The following DCDC1 variants were observed in gnomAD, a reference collection of about 807,000 sequenced individuals.
DCDC1 encodes the protein doublecortin domain containing 1.
In DCDC1, 200 loss-of-function variants were observed where a neutral mutation model predicts 178.3. That is an observed-to-expected ratio of 1.12 (90% CI 1.00 to 1.26). The LOEUF (loss-of-function observed/expected upper bound fraction) is 1.26, where lower values mean the gene tolerates loss of function less well. DCDC1 is among the 50% of genes most tolerant of loss of function. The probability of loss-of-function intolerance (pLI) is 0.00; values close to 1 mark genes in which losing one functional copy is unlikely to be tolerated. For synonymous variants in DCDC1, 690 were observed against 604.8 expected (o/e 1.14, Z -2.07); for missense variants, 1,983 against 1,749.2 (o/e 1.13, Z -2.38).
intron 34 of DCDC1, among the ~76,000 whole-genome samples, chr11:30,898,849 G>A (rs1944436244): frequency 1.3e-5 from 2 of 152,110 alleles, no homozygotes; most frequent in Non-Finnish European, 2.9e-5. Context: ...TTCTGCTATG[G>A]CAATTACTGA....
intron 15 of DCDC1, among the ~76,000 whole-genome samples, chr11:31,096,445 A>G (rs1334933171): frequency 6.6e-6 from 1 of 152,216 alleles, no homozygotes; most frequent in Non-Finnish European, 1.5e-5. Flanking sequence ...CAGAAGAACC[A>G]TACAGCCAAC....
chr11:31,260,732 G>C (rs1024654913), intron 8 of DCDC1, among the ~76,000 whole-genome samples: 2 of 152,138 alleles, frequency 1.3e-5, no homozygotes, highest in Non-Finnish European at 2.9e-5. Flanking sequence ...GACTCCTCTG[G>C]TTCACCATCA....
intron 15 of DCDC1, among the ~76,000 whole-genome samples, chr11:31,098,773 G>A (rs1253966115): frequency 6.6e-6 from 1 of 152,128 alleles, no homozygotes; most frequent in East Asian, 1.9e-4. Context: ...TCACCACTCT[G>A]TAAATAATTG....
chr11:31,142,617 A>G (rs187230611), intron 9 of DCDC1, among the ~76,000 whole-genome samples: 36 of 152,280 alleles, frequency 2.4e-4, no homozygotes, highest in Admixed American at 1.4e-3. Context: ...TGTGCTCAAC[A>G]TTTGTGATAA....
At chr11:30,984,983 C>T (rs1950570166) in intron 20 of DCDC1, among the ~76,000 whole-genome samples, 1 of 152,188 alleles carries the variant, frequency 6.6e-6, no homozygotes, top group South Asian at 2.1e-4. Context: ...AAAGTCCCCA[C>T]ATCTAACCTT....
At chr11:31,049,303 A>G (rs1049355999) in intron 20 of DCDC1, among the ~76,000 whole-genome samples, 1 of 152,204 alleles carries the variant, frequency 6.6e-6, no homozygotes, top group African/African-American at 2.4e-5. Flanking sequence ...CCCAAGTCAG[A>G]TTTTCACTAG....
chr11:30,903,743 T>C (rs1033237489), intron 31 of DCDC1, 60 bp from the exon 32 acceptor site: 6 of 1,336,402 alleles, frequency 4.5e-6, no homozygotes, highest in Non-Finnish European at 5.9e-6. Context: ...GGAATGATCA[T>C]TAAGAGCTTG....
chr11:30,992,021 A>C (rs1951017809), intron 20 of DCDC1, among the ~76,000 whole-genome samples: 3 of 152,210 alleles, frequency 2.0e-5, no homozygotes, highest in Non-Finnish European at 4.4e-5. Flanking sequence ...AGAAACCAAA[A>C]ATGAAAATGG....
At position 30,943,885 on chromosome 11, in the gene DCDC1, T is replaced by A. The variant is rs1023201497; in HGVS notation, c.2715+8560A>T. 16 of 279,276 alleles carry A rather than the reference T, an allele frequency of 5.7e-5. No individual in the cohort carries two copies. The East Asian group carries it at 1.4e-3, about 25-fold the overall frequency. The allele number at this position is 279,276 out of a possible 1,614,324, so 17.3% of individuals were successfully genotyped here. A position where few individuals can be genotyped will look rare whatever the true frequency, so the allele number is the denominator to read the frequency against. On this transcript the variant is annotated intron_variant, in intron 21 of 38. Coordinates refer to ENST00000684477, the MANE Select transcript of DCDC1 (RefSeq NM_001387274.1). The stretch of plus-strand genomic sequence containing the variant: ...GCTGTCACCACTGAGAGGTACATAG[T>A]TTTTAGTATTAATGCAGTCTGAGAC...
intron 18 of DCDC1, among the ~76,000 whole-genome samples, chr11:31,071,491 T>C (rs991508258): frequency 6.6e-6 from 1 of 152,166 alleles, no homozygotes; most frequent in African/African-American, 2.4e-5. Flanking sequence ...GCCACTCTCT[T>C]TGATGGTCCC....
At chr11:31,102,078 G>GAAAAA in intron 15 of DCDC1, 99 bp downstream of exon 15, 22 of 383,658 alleles carry the variant, frequency 5.7e-5, no homozygotes, top group South Asian at 3.1e-4. Context: ...CTCCATCTCA[G>GAAAAA]AAAAAAAAAA....
In DCDC1 at chr11:31,306,229, T is replaced by C. The variant is rs778800895; in HGVS notation, c.591+3A>G. The C allele has an allele frequency of 9.9e-6, 15 of 1,517,780 alleles. No individual in the cohort carries two copies. The Admixed American group carries it at 2.9e-4, about 29-fold the overall frequency. The allele number at this position is 1,517,780 out of a possible 1,614,324, so 94.0% of individuals were successfully genotyped here. On this transcript the variant is annotated splice_donor_region_variant and intron_variant, in intron 5 of 38. Coordinates refer to ENST00000684477, the MANE Select transcript of DCDC1 (RefSeq NM_001387274.1). Reference sequence around the variant, plus strand: ...GCACAGAAAACTTTGGAACACTAGTTACCAAGGTGATGGTTGGTACAGTAA... The same window carrying C: ...GCACAGAAAACTTTGGAACACTAGTCACCAAGGTGATGGTTGGTACAGTAA...
intron 9 of DCDC1, among the ~76,000 whole-genome samples, chr11:31,212,818 T>A (rs907295334): frequency 1.3e-5 from 2 of 152,138 alleles, no homozygotes; most frequent in Non-Finnish European, 2.9e-5. Context: ...CTAGCAAAAA[T>A]ATACAAAACT....
intron 23 of DCDC1, among the ~76,000 whole-genome samples, chr11:30,924,222 A>C (rs1946452108): frequency 2.0e-5 from 3 of 152,212 alleles, no homozygotes; most frequent in Admixed American, 2.0e-4. Context: ...AAACAAAAAC[A>C]CTAAAAGCAA....
chr11:31,030,915 G>A (rs1262693352), intron 20 of DCDC1, among the ~76,000 whole-genome samples: 1 of 151,724 alleles, frequency 6.6e-6, no homozygotes, highest in African/African-American at 2.4e-5. Context: ...GGAAACAGAG[G>A]AAACCACACT....
At chr11:31,254,259 AG>A (rs1944267631) in intron 8 of DCDC1, among the ~76,000 whole-genome samples, 1 of 152,184 alleles carries the variant, frequency 6.6e-6, no homozygotes, top group Admixed American at 6.6e-5. Flanking sequence ...GGAACATTAA[AG>A]AGACTGATCT....
intron 1 of DCDC1, among the ~76,000 whole-genome samples, chr11:31,368,295 G>C (rs542965755): frequency 1.1e-4 from 17 of 152,240 alleles, no homozygotes; most frequent in African/African-American, 4.1e-4. Flanking sequence ...AAAATAAAAT[G>C]CTTTTGCTGT....
At chr11:31,318,759 A>C (rs1329587839) in intron 3 of DCDC1, among the ~76,000 whole-genome samples, 1 of 54,680 alleles carries the variant, frequency 1.8e-5, no homozygotes. Context: ...TAGGGTGTCA[A>C]TTTTGGATCT....
intron 8 of DCDC1, among the ~76,000 whole-genome samples, chr11:31,261,974 G>GAA (rs34548316): frequency 1.1e-4 from 16 of 149,364 alleles, no homozygotes; most frequent in Non-Finnish European, 1.9e-4. Flanking sequence ...CATTACTGGA[G>GAA]AAAAAAAAAA....
Sources: allele counts gnomAD v4.1 joint callset (sites outside exome capture counted in the v4.1 genomes callset), GRCh38; gene constraint gnomAD v4.1.1; transcripts MANE v1.5; gene names NCBI Gene and HGNC (gene_info 2026-07-23, HGNC 2026-07-21).